The following CAMKK1 variants were observed in gnomAD, a reference collection of about 807,000 sequenced individuals.
CAMKK1 encodes the protein calcium/calmodulin-dependent protein kinase kinase 1.
Under a neutral mutation model 63.5 loss-of-function variants are expected in CAMKK1, and 20 were observed. The observed-to-expected ratio is 0.32, with a 90% CI of 0.22 to 0.46. The LOEUF (loss-of-function observed/expected upper bound fraction) is 0.46. Ranked by LOEUF, CAMKK1 falls within the 20% of genes least tolerant of loss-of-function variation. The pLI is 1.00. For missense variants in CAMKK1, 588 were observed against 658.1 expected (o/e 0.89, Z 1.17); for synonymous variants, 253 against 269.0 (o/e 0.94, Z 0.58).
At chr17:3,888,707 C>T (rs1396750786) in intron 1 of CAMKK1, among the ~76,000 whole-genome samples, 1 of 152,206 alleles carries the variant, frequency 6.6e-6, no homozygotes, top group African/African-American at 2.4e-5. Flanking sequence ...GCCGCGAGGG[C>T]TGACGTCAGG....
At chr17:3,886,140 C>A (rs1033400254) in intron 1 of CAMKK1, among the ~76,000 whole-genome samples, 33 of 152,340 alleles carry the variant, frequency 2.2e-4, no homozygotes, top group African/African-American at 7.7e-4. Context: ...GACAGCAGAG[C>A]ACTCCGACAC....
intron 10 of CAMKK1, among the ~76,000 whole-genome samples, chr17:3,874,721 C>G (rs567997233): frequency 7.1e-4 from 108 of 151,368 alleles, no homozygotes; most frequent in African/African-American, 1.9e-3. Flanking sequence ...GTTGGCCAGG[C>G]TGGTCTCAAA....
At position 3,883,248 on chromosome 17, in the gene CAMKK1, A is replaced by G; in HGVS notation, c.515-73T>C. 6.3e-7 allele frequency: 1 copy of G among 1,587,600 alleles called. No homozygotes were observed. The highest frequency in any genetic ancestry group is 8.6e-7 in the Non-Finnish European group (1 of 1,164,402). On this transcript the variant is annotated intron_variant, in intron 5 of 15. Coordinates refer to ENST00000348335, the MANE Select transcript of CAMKK1 (RefSeq NM_032294.3). The surrounding 1 kb of genome is among the most constrained non-coding windows in gnomAD (Gnocchi z 4.7). ...TCACCGTGGCCCCCAAACCAGTCTC[A>G]AGCAAGAGTCTTGCATGCCCGTGGT...
In CAMKK1 at chr17:3,876,287, G is replaced by A. The variant is rs1049220861; in HGVS notation, c.932C>T (p.Ala311Val). Residue 311 changes from alanine to valine, a missense_variant, in exon 10 of 16, where the codon GCG (alanine) becomes GTG (valine). Physicochemically the swap from Ala to Val is moderately conservative, Grantham distance 64 (BLOSUM62 0). Transcript: ENST00000348335. ...EGNDAQLSST[A>V]GTPAFMAPEA... ...GGGGGCCATGAATGCTGGGGTTCCC[G>A]CCGTGCTGGACAGCTGAGCGTCGTT... is the stretch of plus-strand genomic sequence containing the variant. 23 of 1,614,204 alleles carry A rather than the reference G, an allele frequency of 1.4e-5. No individual in the cohort carries two copies. The highest frequency in any genetic ancestry group is 5.3e-5 in the African/African-American group (4 of 75,054).
intron 12 of CAMKK1, among the ~76,000 whole-genome samples, chr17:3,872,041 G>A (rs2054912060): frequency 6.6e-6 from 1 of 152,352 alleles, no homozygotes; most frequent in East Asian, 1.9e-4. Context: ...CCATGCATGA[G>A]CAAGAGGCCT....
At position 3,873,491 on chromosome 17, in the gene CAMKK1, C is replaced by G. The variant is rs199971486; in HGVS notation, c.997-29G>C. ...GAAAGAAACATGCTCACATCAGTCCCCAACAGGCACAGCCACCTCTGCCCA... is the reference window on the plus strand; with the variant it reads ...GAAAGAAACATGCTCACATCAGTCCGCAACAGGCACAGCCACCTCTGCCCA... On this transcript the variant is annotated intron_variant, in intron 10 of 15. Coordinates refer to ENST00000348335, the MANE Select transcript of CAMKK1 (RefSeq NM_032294.3). The G allele has an allele frequency of 2.4e-5, 39 of 1,612,958 alleles. No homozygotes were observed. In the East Asian group the frequency reaches 8.7e-4, roughly 36 times the overall value.
Position 3,862,080 on chromosome 17 carries a change from A to G in CAMKK1, c.*131T>C. The G allele has an allele frequency of 2.9e-6, 2 of 686,196 alleles. No homozygotes were observed. Among genetic ancestry groups the G allele is most frequent in the Non-Finnish European group, 5.0e-6 (2 of 396,402 alleles). 42.5% of individuals were successfully genotyped at this position (686,196 alleles called of 1,614,324 possible). A position where few individuals can be genotyped will look rare whatever the true frequency, so the allele number is the denominator to read the frequency against. On this transcript the variant is annotated 3_prime_UTR_variant, in exon 16 of 16. Coordinates refer to ENST00000348335, the MANE Select transcript of CAMKK1 (RefSeq NM_032294.3). The surrounding 1 kb of genome is among the most constrained non-coding windows in gnomAD (Gnocchi z 4.1). ...GCGTGCGTGGAGGTCATGCAGCACG[A>G]TGGGGGAGGGGCGGGAGTGGGGCTG...
chr17:3,891,270 T>G (rs1390682515), intron 1 of CAMKK1, among the ~76,000 whole-genome samples: 1 of 152,148 alleles, frequency 6.6e-6, no homozygotes, highest in Non-Finnish European at 1.5e-5. Context: ...CTCATACAGT[T>G]TAATTTCTCG....
chr17:3,866,343 C>T (rs184003762), intron 14 of CAMKK1, among the ~76,000 whole-genome samples: 16 of 152,356 alleles, frequency 1.1e-4, no homozygotes, highest in Non-Finnish European at 1.5e-4. Context: ...GCAGCAATGC[C>T]ATGGAGGGAT....
In CAMKK1 at chr17:3,876,355, G is replaced by C. The variant is rs377491155; in HGVS notation, c.864C>G (p.His288Gln). 4 of 1,614,170 alleles carry C rather than the reference G, an allele frequency of 2.5e-6. No individual in the cohort carries two copies. In the Middle Eastern group the frequency reaches 4.9e-4, roughly 200 times the overall value. Residue 288 changes from histidine to glutamine, a missense_variant, in exon 10 of 16, where the codon CAC becomes CAG. His to Gln is a conservative substitution (Grantham distance 24). Coordinates refer to ENST00000348335, the MANE Select transcript of CAMKK1 (RefSeq NM_032294.3). ...TGACGCCAAAGTCGGCGATCTTCAC[G>C]TGCCCATCATCCCCCAGGAGCAGGT... is the stretch of plus-strand genomic sequence containing the variant. ...PSNLLLGDDG[H>Q]VKIADFGVSN...
intron 12 of CAMKK1, among the ~76,000 whole-genome samples, chr17:3,870,112 A>G (rs34610101): frequency 0.28 from 42,618 of 152,050 alleles, 7,987 homozygotes; most frequent in Non-Finnish European, 0.41. Flanking sequence ...GGACACCCCA[A>G]TGGGTGGCAA....
chr17:3,869,185 CT>C (rs2054722517), intron 14 of CAMKK1, among the ~76,000 whole-genome samples: 1 of 151,802 alleles, frequency 6.6e-6, no homozygotes, highest in South Asian at 2.1e-4. Flanking sequence ...TCTCGATCTC[CT>C]GACCTCGTGA....
rs1205905464 is a variant in CAMKK1 at position 3,883,140 on chromosome 17, C to T, written c.550G>A (p.Gly184Arg). ...PPPRGSQAAQ[G>R]GPAKQLLPLE... ...GGCAGCAGCTGCTTGGCTGGTCCTC[C>T]CTGGGCAGCCTGGGACCCTCTCGGG... is the stretch of plus-strand genomic sequence containing the variant. The change falls in exon 6 of 16, where the codon GGA (glycine) becomes AGA (arginine). Residue 184 changes from glycine (G) to arginine (R), a missense_variant. Gly to Arg is a moderately radical substitution (Grantham distance 125). This residue lies in a region of CAMKK1 where 357 missense variants were observed against 407.4 expected (regional missense o/e 0.88). Coordinates refer to ENST00000348335, the MANE Select transcript of CAMKK1 (RefSeq NM_032294.3). The surrounding 1 kb of genome is among the most constrained non-coding windows in gnomAD (Gnocchi z 4.7). 1.2e-6 allele frequency: 2 copies of T among 1,612,538 alleles called. No homozygotes were observed. The highest frequency in any genetic ancestry group is 1.7e-6 in the Non-Finnish European group (2 of 1,179,982).
rs1567613071 is a variant in CAMKK1, at chr17:3,868,090, C to CAGGCGCCGTCTAACTGATACACAGGA, written c.1341+1396_1341+1397insTCCTGTGTATCAGTTAGACGGCGCCT. Among the ~76,000 whole-genome samples the CAGGCGCCGTCTAACTGATACACAGGA allele has an allele frequency of 8.9e-5, 4 of 45,066 alleles. 2 individuals are homozygous for CAGGCGCCGTCTAACTGATACACAGGA. The highest frequency in any genetic ancestry group is 4.3e-4 in the Admixed American group (2 of 4,688). The allele number at this position is 45,066 out of a possible 152,430, so 29.6% of individuals were successfully genotyped here. A position where few individuals can be genotyped will look rare whatever the true frequency, so the allele number is the denominator to read the frequency against. ...AGGCGCAGTCTAACTGATACGTGGG[C>CAGGCGCCGTCTAACTGATACACAGGA]TCTGGGGGAGAAGCAGGCGCCGTCT... On this transcript the variant is annotated intron_variant, in intron 14 of 15. Coordinates refer to ENST00000348335, the MANE Select transcript of CAMKK1 (RefSeq NM_032294.3).
intron 8 of CAMKK1, among the ~76,000 whole-genome samples, chr17:3,880,781 T>C (rs2055374881): frequency 8.6e-6 from 1 of 116,868 alleles, no homozygotes; most frequent in East Asian, 6.2e-4. Flanking sequence ...GGGTGGCAAC[T>C]GCTTTTTTTT....
At chr17:3,866,455 T>C (rs2054529528) in intron 14 of CAMKK1, among the ~76,000 whole-genome samples, 1 of 152,224 alleles carries the variant, frequency 6.6e-6, no homozygotes, top group African/African-American at 2.4e-5. Flanking sequence ...GCCCAGTCAG[T>C]GGGGCTGCCA....
chr17:3,888,702 G>A (rs2055766866), intron 1 of CAMKK1, among the ~76,000 whole-genome samples: 1 of 152,220 alleles, frequency 6.6e-6, no homozygotes, highest in South Asian at 2.1e-4. Context: ...AGGCGGCCGC[G>A]AGGGCTGACG....
intron 15 of CAMKK1, chr17:3,865,089 C>T (rs891693581): frequency 9.2e-6 from 9 of 975,256 alleles, no homozygotes; most frequent in East Asian, 1.1e-4. Flanking sequence ...CCCAGGACCA[C>T]GCTGTGGTTC....
intron 15 of CAMKK1, among the ~76,000 whole-genome samples, chr17:3,864,282 T>C (rs984508950): frequency 1.3e-5 from 2 of 151,744 alleles, no homozygotes; most frequent in African/African-American, 4.9e-5. Context: ...AGTCTCACTC[T>C]GTCGCCCAGG....
Sources: allele counts gnomAD v4.1 joint callset (sites outside exome capture counted in the v4.1 genomes callset), GRCh38; gene constraint gnomAD v4.1.1; regional missense constraint gnomAD v4.1.1; non-coding constraint Gnocchi (gnomAD v3.1); transcripts MANE v1.5; gene names NCBI Gene and HGNC (gene_info 2026-07-23, HGNC 2026-07-21).